Variants in ROBO2 observed in about 807,000 individuals in gnomAD.
ROBO2 encodes the protein roundabout homolog 2.
A neutral mutation model predicts 160.8 loss-of-function variants in ROBO2; 53 were observed. The ratio of observed to expected loss-of-function variants is 0.33; its 90% CI spans 0.26 to 0.41. The LOEUF is 0.41. Among genes scored for constraint, ROBO2 ranks in the 10% least tolerant of loss-of-function variants. The pLI, the probability that ROBO2 is intolerant of heterozygous loss-of-function variation, is 1.00. For missense variants in ROBO2, 1,577 were observed against 1,722.4 expected, an observed-to-expected ratio of 0.92 and a Z score of 1.49; for synonymous variants, 664 against 611.7, an observed-to-expected ratio of 1.09 and a Z score of -1.26.
At chr3:77,322,307 G>C (rs1426644077) in intron 2 of ROBO2, among the ~76,000 whole-genome samples, 2 of 152,006 alleles carry the variant, frequency 1.3e-5, no homozygotes, top group African/African-American at 4.8e-5. Flanking sequence ...TGTATGACTG[G>C]AAAAAAATCT....
At chr3:77,434,804 C>T (rs935113368) in intron 2 of ROBO2, among the ~76,000 whole-genome samples, 2 of 151,996 alleles carry the variant, frequency 1.3e-5, no homozygotes, top group Non-Finnish European at 2.9e-5. Flanking sequence ...CCATATTACC[C>T]TTACATTTAG....
At position 76,205,162 on chromosome 3, in the gene ROBO2, G is replaced by A. The variant is rs187317044; in HGVS notation, c.109+267560G>A. 7.2e-5 allele frequency among the ~76,000 whole-genome samples: 11 copies of A among 152,160 alleles called. No individual in the cohort carries two copies. In the East Asian group the frequency reaches 9.7e-4, roughly 13 times the overall value. ...CGTATTTTTTCCTCTAGAAAAATAC[G>A]CTAAAGCTGTATTGAGGATTAAATG... On this transcript the variant is annotated intron_variant, in intron 2 of 26. Coordinates refer to the ROBO2 transcript ENST00000487694.
At chr3:77,383,338 T>C in intron 2 of ROBO2, among the ~76,000 whole-genome samples, 1 of 152,106 alleles carries the variant, frequency 6.6e-6, no homozygotes, top group East Asian at 1.9e-4. Context: ...AAATAGCTAT[T>C]ATTATTATTT....
At chr3:76,267,289 C>G (rs1042630123) in intron 2 of ROBO2, among the ~76,000 whole-genome samples, 20 of 152,214 alleles carry the variant, frequency 1.3e-4, no homozygotes, top group African/African-American at 4.3e-4. Flanking sequence ...AAGATAAATG[C>G]TTTTATAAAT....
chr3:76,876,597 C>T (rs1018731167), intron 2 of ROBO2, among the ~76,000 whole-genome samples: 6 of 151,928 alleles, frequency 3.9e-5, no homozygotes, highest in African/African-American at 1.5e-4. Context: ...ATTGCTTGAA[C>T]CTGAGAGGCA....
At chr3:76,959,149 T>G (rs2149221685) in intron 2 of ROBO2, among the ~76,000 whole-genome samples, 1 of 152,356 alleles carries the variant, frequency 6.6e-6, no homozygotes, top group Non-Finnish European at 1.5e-5. Context: ...GCTTGCTTGC[T>G]TTATTAGAAT....
At chr3:77,045,370 A>G (rs2064540221) in intron 1 of ROBO2, among the ~76,000 whole-genome samples, 1 of 152,164 alleles carries the variant, frequency 6.6e-6, no homozygotes, top group South Asian at 2.1e-4. Context: ...CATGAGGTTT[A>G]AATACATGTT....
chr3:76,585,978 G>T (rs114665947), intron 2 of ROBO2, among the ~76,000 whole-genome samples: 4,201 of 152,224 alleles, frequency 0.028, 168 homozygotes, highest in African/African-American at 0.089. Flanking sequence ...ACTCTCTGAG[G>T]CTCCCCCTAG....
chr3:76,985,184 A>T (rs948744331), intron 2 of ROBO2, among the ~76,000 whole-genome samples: 1 of 152,174 alleles, frequency 6.6e-6, no homozygotes, highest in East Asian at 1.9e-4. Context: ...ATTAATAATC[A>T]TAATGTTAAT....
chr3:75,983,648 T>G (rs1443227074), intron 2 of ROBO2, among the ~76,000 whole-genome samples: 1 of 151,350 alleles, frequency 6.6e-6, no homozygotes, highest in East Asian at 1.9e-4. Flanking sequence ...ATTGGTTGTT[T>G]CCTTGTTCTA....
At chr3:76,926,486 T>C (rs2076999530) in intron 2 of ROBO2, among the ~76,000 whole-genome samples, 1 of 152,146 alleles carries the variant, frequency 6.6e-6, no homozygotes. Context: ...GGATAATGTA[T>C]TGGAAGTGTT....
chr3:76,506,987 T>C (rs2080832132), intron 2 of ROBO2, among the ~76,000 whole-genome samples: 1 of 152,198 alleles, frequency 6.6e-6, no homozygotes, highest in African/African-American at 2.4e-5. Flanking sequence ...TATAAAAATA[T>C]ATGAATTTAA....
At chr3:75,983,392 G>A (rs567692621) in intron 2 of ROBO2, among the ~76,000 whole-genome samples, 57 of 151,332 alleles carry the variant, frequency 3.8e-4, no homozygotes, top group Non-Finnish European at 8.9e-5. Context: ...AATGAAATGT[G>A]TAAAACCATT....
At chr3:76,367,675 A>G (rs1472896699) in intron 2 of ROBO2, among the ~76,000 whole-genome samples, 1 of 151,964 alleles carries the variant, frequency 6.6e-6, no homozygotes, top group East Asian at 1.9e-4. Context: ...AGTGGCCCCA[A>G]TTTCCATGAG....
At chr3:76,857,876 G>A (rs1428177072) in intron 2 of ROBO2, among the ~76,000 whole-genome samples, 1 of 152,192 alleles carries the variant, frequency 6.6e-6, no homozygotes, top group African/African-American at 2.4e-5. Context: ...TTATAGCTAA[G>A]CCTTTTACTT....
chr3:75,964,403 A>G (rs1048274799), intron 2 of ROBO2, among the ~76,000 whole-genome samples: 3 of 151,622 alleles, frequency 2.0e-5, no homozygotes, highest in African/African-American at 7.3e-5. Flanking sequence ...CCTTAAGGCA[A>G]TGGGTGTATT....
chr3:76,398,987 C>G (rs2077651670), intron 2 of ROBO2, among the ~76,000 whole-genome samples: 1 of 151,710 alleles, frequency 6.6e-6, no homozygotes, highest in Non-Finnish European at 1.5e-5. Context: ...AAATTACACA[C>G]AAATAATACT....
At chr3:76,570,080 A>G (rs2084865761) in intron 2 of ROBO2, among the ~76,000 whole-genome samples, 1 of 152,158 alleles carries the variant, frequency 6.6e-6, no homozygotes, top group Non-Finnish European at 1.5e-5. Context: ...GGCTGCAGTG[A>G]GCTTGATCAT....
At chr3:76,800,097 G>A (rs933695684) in intron 2 of ROBO2, among the ~76,000 whole-genome samples, 2 of 152,070 alleles carry the variant, frequency 1.3e-5, no homozygotes, top group Non-Finnish European at 2.9e-5. Context: ...TTTTGACAAA[G>A]GTGTCAAGAA....
Sources: allele counts gnomAD v4.1 joint callset (sites outside exome capture counted in the v4.1 genomes callset), GRCh38; gene constraint gnomAD v4.1.1; transcripts MANE v1.5; gene names NCBI Gene and HGNC (gene_info 2026-07-23, HGNC 2026-07-21).